The following CLIC5 variants were observed in gnomAD, a reference collection of about 807,000 sequenced individuals.
CLIC5 encodes chloride intracellular channel protein 5.
A neutral mutation model predicts 24.7 loss-of-function variants in CLIC5; 20 were observed. The observed-to-expected ratio is 0.81, with a 90% CI of 0.57 to 1.18. The LOEUF is 1.18. CLIC5 is among the 50% of genes most tolerant of loss of function. The pLI is 0.00. For missense variants in CLIC5, 341 were observed against 326.1 expected (o/e 1.05, Z -0.35); for synonymous variants, 159 against 135.6 (o/e 1.17, Z -1.20).
chr6:45,988,861 C>T (rs1223586978), intron 1 of CLIC5, among the ~76,000 whole-genome samples: 4 of 152,186 alleles, frequency 2.6e-5, no homozygotes, highest in Non-Finnish European at 5.9e-5. Flanking sequence ...CAGACTCCGA[C>T]CTCTGGCAGG....
intron 5 of CLIC5, among the ~76,000 whole-genome samples, chr6:45,913,150 T>C (rs1762881931): frequency 1.3e-5 from 2 of 152,212 alleles, no homozygotes; most frequent in African/African-American, 4.8e-5. Flanking sequence ...GATCAATCAA[T>C]GAGTATTTAT....
At chr6:45,954,167 G>A (rs1271579691) in intron 2 of CLIC5, among the ~76,000 whole-genome samples, 2 of 151,464 alleles carry the variant, frequency 1.3e-5, no homozygotes, top group South Asian at 2.1e-4. Context: ...CCAGCTACTC[G>A]GGAGGCTGAG....
the CLIC5 span, among the ~76,000 whole-genome samples, chr6:46,102,905 G>A: frequency 0.13 from 20,118 of 152,200 alleles, 1,798 homozygotes; most frequent in South Asian, 0.33. Flanking sequence ...AGAATGCCTC[G>A]TGAAGAATTG....
intron 4 of CLIC5, among the ~76,000 whole-genome samples, chr6:45,923,131 A>C (rs533330685): frequency 3.4e-4 from 52 of 152,334 alleles, no homozygotes; most frequent in African/African-American, 1.2e-3. Flanking sequence ...GTACGGCATA[A>C]ATGCTGACGG....
the CLIC5 span, among the ~76,000 whole-genome samples, chr6:46,127,782 T>C: frequency 1.3e-5 from 2 of 152,196 alleles, no homozygotes; most frequent in Admixed American, 6.6e-5. Context: ...GATTTGGATA[T>C]GTGACACAAT....
At chr6:45,978,226 A>T (rs1765448239) in intron 1 of CLIC5, among the ~76,000 whole-genome samples, 1 of 152,134 alleles carries the variant, frequency 6.6e-6, no homozygotes, top group Non-Finnish European at 1.5e-5. Context: ...ATGATCTTAT[A>T]CCTGGTCTGA....
chr6:45,965,080 C>G, intron 1 of CLIC5, among the ~76,000 whole-genome samples: 1 of 152,176 alleles, frequency 6.6e-6, no homozygotes, highest in East Asian at 1.9e-4. Flanking sequence ...AAAAGTTCAA[C>G]AGTACCTAGC....
At chr6:45,949,221 C>T (rs749288097) in intron 3 of CLIC5, 35 bp downstream of exon 3, 5 of 1,602,098 alleles carry the variant, frequency 3.1e-6, no homozygotes, top group Middle Eastern at 1.7e-4. Context: ...TGAACCCTTC[C>T]CATTCAACAG....
At chr6:45,996,753 A>C (rs1273471340) in intron 1 of CLIC5, among the ~76,000 whole-genome samples, 1 of 152,072 alleles carries the variant, frequency 6.6e-6, no homozygotes, top group Non-Finnish European at 1.5e-5. Flanking sequence ...ACATGAAAAA[A>C]TGCTCATCAT....
chr6:45,895,853 C>T (rs1762389095), downstream of CLIC5, among the ~76,000 whole-genome samples: 1 of 152,086 alleles, frequency 6.6e-6, no homozygotes, highest in African/African-American at 2.4e-5. Context: ...TTTAACTGGT[C>T]TCTATTATGG....
intron 1 of CLIC5, among the ~76,000 whole-genome samples, chr6:45,973,037 A>T (rs1168811783): frequency 6.6e-6 from 1 of 152,220 alleles, no homozygotes; most frequent in East Asian, 1.9e-4. Flanking sequence ...AGGTGCTGAA[A>T]GTGGACACTG....
chr6:45,994,440 C>T lies in CLIC5; in HGVS notation c.63+21040G>A, dbSNP rs186487416. On this transcript the variant is annotated intron_variant, in intron 1 of 5. Transcript: ENST00000339561. ...TCACTCATAAGTGGGAGTTAAACAA[C>T]GAAAACACATGGACACAGGGAGGGG... is the stretch of plus-strand genomic sequence containing the variant. Among the ~76,000 whole-genome samples the T allele has an allele frequency of 7.4e-3, 1,130 of 151,868 alleles. 9 individuals carry two copies. The highest frequency in any genetic ancestry group is 0.012 in the Non-Finnish European group (803 of 67,946).
chr6:46,070,361 C>A (rs1323981644), intron 1 of CLIC5, among the ~76,000 whole-genome samples: 2 of 152,264 alleles, frequency 1.3e-5, no homozygotes, highest in African/African-American at 4.8e-5. Flanking sequence ...AGCTAGTAAG[C>A]AACTTCAGTG....
At chr6:45,942,309 T>C (rs1764161595) in intron 3 of CLIC5, among the ~76,000 whole-genome samples, 1 of 152,152 alleles carries the variant, frequency 6.6e-6, no homozygotes, top group Non-Finnish European at 1.5e-5. Flanking sequence ...AGCCCCCCTC[T>C]CTCTCTCTTT....
At chr6:45,994,347 G>T (rs1057060094) in intron 1 of CLIC5, among the ~76,000 whole-genome samples, 3 of 152,154 alleles carry the variant, frequency 2.0e-5, no homozygotes, top group Admixed American at 6.5e-5. Flanking sequence ...GCAGGGACAT[G>T]GATGAAGCTG....
At chr6:46,038,316 C>A (rs986866105) in intron 1 of CLIC5, among the ~76,000 whole-genome samples, 11 of 152,320 alleles carry the variant, frequency 7.2e-5, no homozygotes, top group African/African-American at 1.7e-4. Flanking sequence ...AGGCTTTAGA[C>A]TGAATGGCCC....
intron 1 of CLIC5, among the ~76,000 whole-genome samples, chr6:45,992,664 T>A (rs1318754115): frequency 6.6e-6 from 1 of 152,194 alleles, no homozygotes. Flanking sequence ...CTGCTGTAAG[T>A]CTGTATCAGT....
intron 5 of CLIC5, among the ~76,000 whole-genome samples, chr6:45,905,523 C>CT (rs894192541): frequency 7.5e-6 from 1 of 133,848 alleles, no homozygotes; most frequent in African/African-American, 2.8e-5. Flanking sequence ...CTTATTATGT[C>CT]TTTTTTTGAG....
In CLIC5 at chr6:45,999,972, G is replaced by T. The variant is rs1174058897; in HGVS notation, c.63+15508C>A. Among the ~76,000 whole-genome samples the T allele has an allele frequency of 7.2e-5, 2 of 27,898 alleles. 1 individual carries two copies. Among genetic ancestry groups the T allele is most frequent in the Non-Finnish European group, 1.3e-4 (2 of 14,904 alleles). The allele number at this position is 27,898 out of a possible 152,430, so 18.3% of individuals were successfully genotyped here. A position where few individuals can be genotyped will look rare whatever the true frequency, so the allele number is the denominator to read the frequency against. ...TCACCTTGTTAGCCAGGATGGTCTC[G>T]ATCTCCTGACCTCATGATCCACCCG... On this transcript the variant is annotated intron_variant, in intron 1 of 5. Coordinates refer to ENST00000339561, the MANE Select transcript of CLIC5 (RefSeq NM_016929.5).
Sources: gnomAD v4.1 joint callset for allele counts (sites outside exome capture counted in the v4.1 genomes callset) on GRCh38, gnomAD v4.1.1 for gene constraint, MANE v1.5 for transcripts, NCBI Gene and HGNC (gene_info 2026-07-23, HGNC 2026-07-21) for gene names.